PDE8B: variants seen among roughly 807,000 people sequenced by gnomAD.
PDE8B encodes the protein phosphodiesterase 8B.
PDE8B carries 26 observed loss-of-function variants against 101.3 expected under a neutral mutation model. The ratio of observed to expected loss-of-function variants is 0.26; its 90% CI spans 0.19 to 0.36. The LOEUF (loss-of-function observed/expected upper bound fraction) is 0.36, where lower values mean the gene tolerates loss of function less well. Ranked by LOEUF, PDE8B falls within the 10% of genes least tolerant of loss-of-function variation. The pLI, the probability that PDE8B is intolerant of heterozygous loss-of-function variation, is 1.00. For synonymous variants in PDE8B, 424 were observed against 429.3 expected (o/e 0.99, Z 0.15); for missense variants, 810 against 1,163.1 (o/e 0.70, Z 4.42).
intron 1 of PDE8B, among the ~76,000 whole-genome samples, chr5:77,250,950 C>T (rs1370664129): frequency 6.6e-6 from 1 of 152,216 alleles, no homozygotes; most frequent in African/African-American, 2.4e-5. Flanking sequence ...AGTATAGATA[C>T]TGGACTAAAT....
chr5:77,390,617 GAGTT>G (rs1427129185), intron 10 of PDE8B, among the ~76,000 whole-genome samples: 2 of 152,208 alleles, frequency 1.3e-5, no homozygotes, highest in Non-Finnish European at 2.9e-5. Flanking sequence ...CCTTTGCTTT[GAGTT>G]AGTTTGCACA....
At chr5:77,378,254 A>C (rs1281675681) in intron 10 of PDE8B, among the ~76,000 whole-genome samples, 1 of 151,832 alleles carries the variant, frequency 6.6e-6, no homozygotes, top group Non-Finnish European at 1.5e-5. Flanking sequence ...AGCTCAAGAG[A>C]TCGAGACCAT....
At chr5:77,355,655 C>T (rs931699567) in intron 10 of PDE8B, among the ~76,000 whole-genome samples, 4 of 152,204 alleles carry the variant, frequency 2.6e-5, no homozygotes, top group African/African-American at 9.6e-5. Context: ...TGTTGTCTTC[C>T]TCTCCTCTGC....
chr5:77,318,055 C>CAAAAAAAAAAAAAAAAAAAAAAAA (rs55952764), intron 2 of PDE8B, among the ~76,000 whole-genome samples: 1 of 57,186 alleles, frequency 1.7e-5, no homozygotes, highest in Non-Finnish European at 3.2e-5. Flanking sequence ...GACTCCATCT[C>CAAAAAAAAAAAAAAAAAAAAAAAA]AAAAAAAAAA....
intron 10 of PDE8B, among the ~76,000 whole-genome samples, chr5:77,370,310 TTAA>T (rs1299588053): frequency 6.6e-6 from 1 of 152,206 alleles, no homozygotes; most frequent in Non-Finnish European, 1.5e-5. Context: ...CTCTTCCCAA[TTAA>T]TGTCTGTCCC....
chr5:77,361,697 G>A (rs1022780429), intron 10 of PDE8B, among the ~76,000 whole-genome samples: 1 of 151,998 alleles, frequency 6.6e-6, no homozygotes, highest in African/African-American at 2.4e-5. Flanking sequence ...TGTATTTTTA[G>A]TAGAGATAGG....
chr5:77,207,709 T>G (rs1289306592), upstream of PDE8B, among the ~76,000 whole-genome samples: 2 of 152,208 alleles, frequency 1.3e-5, no homozygotes, highest in African/African-American at 4.8e-5. Flanking sequence ...AACTAAGCTG[T>G]GGAAATGATT....
In PDE8B at chr5:77,404,716, T is replaced by C. The variant is rs1395817873; in HGVS notation, c.1211-4T>C. 6.4e-7 allele frequency: 1 copy of C among 1,563,502 alleles called. No homozygotes were observed. The highest frequency in any genetic ancestry group is 8.8e-7 in the Non-Finnish European group (1 of 1,133,952). Reference sequence around the variant, plus strand: ...ACCTTCCCTTTCTAATCTGAAATCCTTAGAGCCTCATTCATTCAGATATAA... The same window carrying C: ...ACCTTCCCTTTCTAATCTGAAATCCCTAGAGCCTCATTCATTCAGATATAA... On this transcript the variant is annotated splice_region_variant and splice_polypyrimidine_tract_variant and intron_variant, in intron 11 of 21. Coordinates refer to ENST00000264917, the MANE Select transcript of PDE8B (RefSeq NM_003719.5).
chr5:77,109,755 G>A, the PDE8B span, among the ~76,000 whole-genome samples: 2 of 152,132 alleles, frequency 1.3e-5, no homozygotes, highest in African/African-American at 4.8e-5. Context: ...CTAAAGGCAG[G>A]GCCCAGGAAT....
At chr5:77,161,819 AC>A in the PDE8B span, among the ~76,000 whole-genome samples, 2 of 152,044 alleles carry the variant, frequency 1.3e-5, no homozygotes, top group Non-Finnish European at 2.9e-5. Flanking sequence ...ATTCTAGCAG[AC>A]TTTTTTTTGG....
At chr5:77,349,946 T>A (rs151269992) in intron 8 of PDE8B, among the ~76,000 whole-genome samples, 220 of 152,306 alleles carry the variant, frequency 1.4e-3, no homozygotes, top group African/African-American at 4.9e-3. Context: ...GCCAGGTTTT[T>A]TTCCCAGTTT....
chr5:77,099,599 CCTTTT>C, the PDE8B span, among the ~76,000 whole-genome samples: 2 of 141,122 alleles, frequency 1.4e-5, no homozygotes, highest in African/African-American at 4.9e-5. Flanking sequence ...CCCAGGGTGA[CCTTTT>C]CTTTTCTTTT....
intron 10 of PDE8B, among the ~76,000 whole-genome samples, chr5:77,354,060 T>C (rs1411632785): frequency 6.6e-6 from 1 of 152,226 alleles, no homozygotes; most frequent in Admixed American, 6.5e-5. Flanking sequence ...TTTTGAAAAC[T>C]TACAACATGT....
intron 1 of PDE8B, among the ~76,000 whole-genome samples, chr5:77,254,665 C>CT (rs1015760359): frequency 2.6e-5 from 4 of 152,056 alleles, no homozygotes; most frequent in African/African-American, 9.7e-5. Flanking sequence ...GGAACATTAA[C>CT]TTGAAATGAA....
the PDE8B span, among the ~76,000 whole-genome samples, chr5:77,098,124 G>C: frequency 6.6e-6 from 1 of 152,038 alleles, no homozygotes; most frequent in East Asian, 1.9e-4. Context: ...AGAAACGTAT[G>C]TCAAAATAAA....
chr5:77,090,858 A>C, the PDE8B span, among the ~76,000 whole-genome samples: 2 of 152,202 alleles, frequency 1.3e-5, no homozygotes, highest in African/African-American at 2.4e-5. Flanking sequence ...TTCTGTAAAT[A>C]ATGCTGCAAT....
At chr5:77,298,482 G>T (rs1348397188) in intron 1 of PDE8B, among the ~76,000 whole-genome samples, 1 of 152,368 alleles carries the variant, frequency 6.6e-6, no homozygotes, top group Middle Eastern at 3.4e-3. Flanking sequence ...ATTTTAGCAT[G>T]TGGGCACCCC....
chr5:77,258,250 C>G (rs1759610161), intron 1 of PDE8B, among the ~76,000 whole-genome samples: 1 of 135,408 alleles, frequency 7.4e-6, no homozygotes, highest in Admixed American at 8.3e-5. Flanking sequence ...GATTGCATCA[C>G]TGCACATCAG....
chr5:77,324,830 TA>T (rs983444763), intron 2 of PDE8B, among the ~76,000 whole-genome samples: 8 of 152,234 alleles, frequency 5.3e-5, no homozygotes, highest in Admixed American at 5.2e-4. Flanking sequence ...ATGTAAACCA[TA>T]ATCTAACCTG....
Sources: allele counts gnomAD v4.1 joint callset (sites outside exome capture counted in the v4.1 genomes callset), GRCh38; gene constraint gnomAD v4.1.1; transcripts MANE v1.5; gene names NCBI Gene and HGNC (gene_info 2026-07-23, HGNC 2026-07-21).